Variants in PPIL6 observed in about 807,000 individuals in gnomAD.
PPIL6 encodes probable inactive peptidyl-prolyl cis-trans isomerase-like 6.
Under a neutral mutation model 36.8 loss-of-function variants are expected in PPIL6, and 39 were observed. The observed-to-expected ratio is 1.06, with a 90% CI of 0.82 to 1.38. PPIL6 has a LOEUF of 1.38. Among genes scored for constraint, PPIL6 ranks in the 40% most tolerant of loss-of-function variants. PPIL6 has a pLI of 0.00. For missense variants in PPIL6, 368 were observed against 379.1 expected (o/e 0.97, Z 0.24); for synonymous variants, 123 against 134.1 (o/e 0.92, Z 0.57).
At chr6:109,407,822 T>C (rs1469351576) in intron 6 of PPIL6, among the ~76,000 whole-genome samples, 1 of 152,168 alleles carries the variant, frequency 6.6e-6, no homozygotes, top group African/African-American at 2.4e-5. Context: ...CATATCATCA[T>C]ACAGCATACT....
chr6:109,395,682 G>A (rs1271879755), intron 7 of PPIL6, among the ~76,000 whole-genome samples: 1 of 147,174 alleles, frequency 6.8e-6, no homozygotes, highest in African/African-American at 2.5e-5. Flanking sequence ...TCGGCTCACT[G>A]CAACCTCTGC....
chr6:109,427,625 G>A (rs1773894937), intron 3 of PPIL6, among the ~76,000 whole-genome samples: 1 of 152,108 alleles, frequency 6.6e-6, no homozygotes, highest in Non-Finnish European at 1.5e-5. Flanking sequence ...GAGCTCAAGG[G>A]ATCGCCTACC....
At position 109,413,245 on chromosome 6, in the gene PPIL6, G is replaced by A. The variant is rs773302316; in HGVS notation, c.688+5942C>T. 1.3e-5 allele frequency among the ~76,000 whole-genome samples: 2 copies of A among 151,948 alleles called. No homozygotes were observed. The highest frequency in any genetic ancestry group is 2.9e-5 in the Non-Finnish European group (2 of 68,006). ...GGGATTAATAACCAGAATATATAAG[G>A]AGCTCAAACAACTCTACAGGAAAAA... On this transcript the variant is annotated intron_variant, in intron 6 of 7. Transcript: ENST00000521072. The surrounding 1 kb of genome is among the most constrained non-coding windows in gnomAD (Gnocchi z 4.6).
chr6:109,404,488 T>C (rs1772703466), intron 6 of PPIL6, among the ~76,000 whole-genome samples: 1 of 152,212 alleles, frequency 6.6e-6, no homozygotes, highest in Non-Finnish European at 1.5e-5. Flanking sequence ...CTCAGTTCCC[T>C]CCTCTCTAAC....
Position 109,400,529 on chromosome 6 carries a change from T to TA in PPIL6, c.689-360dup, listed in dbSNP as rs969560190. Among the ~76,000 whole-genome samples, 228 of 152,328 alleles carry TA rather than the reference T, an allele frequency of 1.5e-3. 1 individual carries two copies. Among genetic ancestry groups the TA allele is most frequent in the African/African-American group, 5.1e-3 (213 of 41,572 alleles). On this transcript the variant is annotated intron_variant, in intron 6 of 7. Transcript: ENST00000521072. ...TGGTATTTCTTTCAAACTACCACCA[T>TA]ACTCATTAAAAACACCTCCTCTGAG...
At chr6:109,437,217 C>G (rs957762044) in intron 1 of PPIL6, among the ~76,000 whole-genome samples, 5 of 152,214 alleles carry the variant, frequency 3.3e-5, no homozygotes, top group African/African-American at 7.2e-5. Flanking sequence ...CAGTAACAGG[C>G]CTCTTTTCTG....
chr6:109,431,941 T>C (rs1444211382), intron 2 of PPIL6, among the ~76,000 whole-genome samples: 1 of 152,244 alleles, frequency 6.6e-6, no homozygotes. Flanking sequence ...AAATGTGTCC[T>C]GGGCTGCAGT....
chr6:109,394,921 G>A (rs560968900), intron 7 of PPIL6, among the ~76,000 whole-genome samples: 1 of 152,106 alleles, frequency 6.6e-6, no homozygotes, highest in Non-Finnish European at 1.5e-5. Context: ...CCACCAACTG[G>A]CTATCCTATA....
chr6:109,415,909 A>G (rs1245895159), intron 6 of PPIL6, among the ~76,000 whole-genome samples: 1 of 152,204 alleles, frequency 6.6e-6, no homozygotes, highest in African/African-American at 2.4e-5. Flanking sequence ...CAGGGGCATC[A>G]TTGTTCAATA....
chr6:109,435,444 C>T (rs906800541), intron 2 of PPIL6, among the ~76,000 whole-genome samples: 3 of 151,904 alleles, frequency 2.0e-5, no homozygotes, highest in Non-Finnish European at 2.9e-5. Flanking sequence ...ATTATAGGCA[C>T]GCGCCACCAT....
At chr6:109,410,113 C>T (rs1026097451) in intron 6 of PPIL6, among the ~76,000 whole-genome samples, 2 of 152,054 alleles carry the variant, frequency 1.3e-5, no homozygotes, top group African/African-American at 4.8e-5. Context: ...CTGAGCCCAT[C>T]GCAGCTGAGG....
In PPIL6 at chr6:109,414,477, CTTT is replaced by C. The variant is rs146541023; in HGVS notation, c.688+4707_688+4709del. ...GTATCATTTTCTTAATGTCTTTTAG[CTTT>C]TTTTTTTTTTTTTTTTTTTTTTGAG... is the stretch of plus-strand genomic sequence containing the variant. On this transcript the variant is annotated intron_variant, in intron 6 of 7. Transcript: ENST00000521072. Among the ~76,000 whole-genome samples, 708 of 86,500 alleles carry C rather than the reference CTTT, an allele frequency of 8.2e-3. 4 individuals carry two copies. Among genetic ancestry groups the C allele is most frequent in the African/African-American group, 0.024 (440 of 18,422 alleles). 56.7% of individuals were successfully genotyped at this position (86,500 alleles called of 152,430 possible).
intron 6 of PPIL6, among the ~76,000 whole-genome samples, chr6:109,412,494 C>T (rs1258550706): frequency 1.3e-5 from 2 of 152,178 alleles, no homozygotes; most frequent in South Asian, 4.1e-4. Context: ...TCAAATTATA[C>T]TACAGAGCTA....
chr6:109,400,860 A>G (rs563660667), intron 6 of PPIL6, among the ~76,000 whole-genome samples: 1 of 149,784 alleles, frequency 6.7e-6, no homozygotes, highest in South Asian at 2.1e-4. Context: ...TTCAAATAAA[A>G]TTTTTTTTTT....
chr6:109,392,936 G>A lies in PPIL6; in HGVS notation c.826C>T (p.Gln276Ter), dbSNP rs766235350. ...AGCACTTCTGTTCCTTCAATCAGTT[G>A]CCTACATAGGAGAAAAAAATGGAAA... Reference protein sequence around the residue: ...YLDRKFVAFGQLIEGTEVLKQ... With the variant: ...YLDRKFVAFG The change falls in exon 8 of 8, where the codon CAA (glutamine) becomes TAA (stop). Residue 276 changes from glutamine to a stop codon, truncating the protein, a stop_gained and splice_region_variant. Transcript: ENST00000521072. LOFTEE classifies it high-confidence loss of function. 5.7e-6 allele frequency: 9 copies of A among 1,575,934 alleles called. No individual in the cohort carries two copies. Among genetic ancestry groups the A allele is most frequent in the African/African-American group, 2.7e-5 (2 of 73,042 alleles).
At chr6:109,403,719 AT>A (rs1772660667) in intron 6 of PPIL6, among the ~76,000 whole-genome samples, 1 of 152,316 alleles carries the variant, frequency 6.6e-6, no homozygotes, top group African/African-American at 2.4e-5. Flanking sequence ...AAAAAAATTA[AT>A]TCGTTTATAA....
At chr6:109,440,662 G>A (rs1774805250), upstream of PPIL6, 33 of 1,121,358 alleles carry the variant, frequency 2.9e-5, no homozygotes, top group Non-Finnish European at 3.6e-5. Flanking sequence ...CCCCGCCTCC[G>A]CCGCTCGCAG....
chr6:109,427,435 G>T (rs1168152228), intron 3 of PPIL6, among the ~76,000 whole-genome samples: 1 of 151,882 alleles, frequency 6.6e-6, no homozygotes, highest in Non-Finnish European at 1.5e-5. Flanking sequence ...CCAGGCTGGG[G>T]TGTAGTGGCA....
intron 6 of PPIL6, among the ~76,000 whole-genome samples, chr6:109,416,599 A>G (rs1404201334): frequency 1.3e-5 from 2 of 150,730 alleles, no homozygotes; most frequent in Admixed American, 6.6e-5. Flanking sequence ...CATTTTGTTA[A>G]TGACATCTTG....
Sources: allele counts gnomAD v4.1 joint callset (sites outside exome capture counted in the v4.1 genomes callset), GRCh38; gene constraint gnomAD v4.1.1; non-coding constraint Gnocchi (gnomAD v3.1); transcripts MANE v1.5; gene names NCBI Gene and HGNC (gene_info 2026-07-23, HGNC 2026-07-21).